Variants in THOP1 observed in about 807,000 individuals in gnomAD.
THOP1 encodes the protein thimet oligopeptidase.
THOP1 carries 49 observed loss-of-function variants against 71.8 expected under a neutral mutation model. The observed-to-expected ratio is 0.68, with a 90% CI of 0.54 to 0.87. THOP1 has a LOEUF of 0.87. Ranked by LOEUF, THOP1 falls within the 40% of genes least tolerant of loss-of-function variation. THOP1 has a pLI of 0.00. For missense variants in THOP1, 843 were observed against 975.6 expected (o/e 0.86, Z 1.81); for synonymous variants, 426 against 421.5 (o/e 1.01, Z -0.13).
At chr19:2,803,364 GAGGCTGAGGC>G (rs749134064) in intron 5 of THOP1, among the ~76,000 whole-genome samples, 32 of 152,344 alleles carry the variant, frequency 2.1e-4, no homozygotes, top group South Asian at 1.0e-3. Flanking sequence ...AGCCACTCGG[GAGGCTGAGGC>G]AGGGGGATTG....
intron 4 of THOP1, among the ~76,000 whole-genome samples, chr19:2,799,109 T>C (rs931706603): frequency 1.3e-5 from 2 of 152,218 alleles, no homozygotes; most frequent in Non-Finnish European, 2.9e-5. Flanking sequence ...GAGGATTGCT[T>C]GAGCCCAGGA....
At position 2,808,373 on chromosome 19, in the gene THOP1, C is replaced by T. The variant is rs764865726; in HGVS notation, c.1384C>T (p.Leu462=). 5.6e-6 allele frequency: 9 copies of T among 1,611,170 alleles called. No homozygotes were observed. The East Asian group carries it at 2.0e-4, about 36-fold the overall frequency. Residue 462 remains leucine (L), a synonymous_variant, in exon 9 of 13, where the codon CTG becomes TTG. Transcript: ENST00000307741. ...FTKPTADAPS[L]LQHDEVETYF... ...CAAGCCCACAGCCGACGCGCCCTCG[C>T]TGCTGCAGCATGACGAGGTGGAGAC...
Position 2,799,700 on chromosome 19 carries a change from C to T in THOP1, c.498C>T (p.Arg166=). The T allele has an allele frequency of 5.0e-6, 8 of 1,613,798 alleles. No individual in the cohort carries two copies. Among genetic ancestry groups the T allele is most frequent in the Non-Finnish European group, 6.8e-6 (8 of 1,179,888 alleles). The change falls in exon 5 of 13, where the codon CGC becomes CGT. Residue 166 remains arginine, a synonymous_variant. Coordinates refer to ENST00000307741, the MANE Select transcript of THOP1 (RefSeq NM_003249.5). The stretch of plus-strand genomic sequence containing the variant: ...GCCTTTCTCTCCAGAACATCAAACG[C>T]ATCAAGAAGAAGCTGAGCCTTCTGT... ...LPRETQENIK[R]IKKKLSLLCI...
At position 2,790,444 on chromosome 19, in the gene THOP1, G is replaced by A. The variant is rs746792908; in HGVS notation, c.40G>A (p.Ala14Thr). 35 of 1,571,534 alleles carry A rather than the reference G, an allele frequency of 2.2e-5. No homozygotes were observed. Among genetic ancestry groups the A allele is most frequent in the South Asian group, 3.5e-5 (3 of 85,352 alleles). ...PAACAGDMAD[A>T]ASPCSVVNDL... ...AGCCTGTGCAGGAGACATGGCGGAC[G>A]CAGCATCTCCGTGCTCTGTGGTAAA... Residue 14 changes from alanine (A) to threonine (T), a missense_variant, in exon 2 of 13, where the codon GCA becomes ACA. Transcript: ENST00000307741.
chr19:2,803,587 G>A (rs917019681), intron 5 of THOP1, among the ~76,000 whole-genome samples: 28 of 152,134 alleles, frequency 1.8e-4, no homozygotes, highest in Non-Finnish European at 3.2e-4. Context: ...GTCTCCGACC[G>A]CCAGCCGTCA....
chr19:2,808,660 C>T (rs986139702), intron 9 of THOP1, among the ~76,000 whole-genome samples: 8 of 152,268 alleles, frequency 5.3e-5, no homozygotes, highest in Non-Finnish European at 8.8e-5. Context: ...ACACAAGGTG[C>T]GTGTATTTCC....
chr19:2,811,907 G>A (rs1568327470), intron 12 of THOP1, 173 bp downstream of exon 12: 1 of 1,358,616 alleles, frequency 7.4e-7, no homozygotes. Flanking sequence ...CAACAGCAGG[G>A]TGGGGCCGAG....
chr19:2,807,866 C>T (rs1453435067), intron 8 of THOP1, 58 bp downstream of exon 8: 56 of 1,414,990 alleles, frequency 4.0e-5, no homozygotes, highest in Non-Finnish European at 4.7e-5. Context: ...CCTCGGAGCC[C>T]GGTGTGCCCG....
intron 3 of THOP1, among the ~76,000 whole-genome samples, chr19:2,795,478 G>C (rs1053441248): frequency 1.3e-5 from 2 of 152,242 alleles, no homozygotes; most frequent in African/African-American, 4.8e-5. Flanking sequence ...CTTAGGCGAG[G>C]ACCCCTGGGA....
intron 12 of THOP1, chr19:2,812,511 C>T: frequency 9.5e-7 from 1 of 1,048,548 alleles, no homozygotes; most frequent in South Asian, 2.0e-5. Context: ...AGGCAGCCTC[C>T]AGCAGCTCCC....
At chr19:2,807,861 G>A (rs1916347160) in intron 8 of THOP1, 53 bp downstream of exon 8, 2 of 1,421,610 alleles carry the variant, frequency 1.4e-6, no homozygotes, top group Non-Finnish European at 1.8e-6. Flanking sequence ...GGTCTCCTCG[G>A]AGCCCGGTGT....
rs1019867765 is a variant in THOP1, at chr19:2,808,008, C to CG, written c.1253+201dup. On this transcript the variant is annotated intron_variant, in intron 8 of 12. Transcript: ENST00000307741. Reference sequence around the variant, plus strand: ...CGTTTCCAGTCTCACTCAGCCACCCCGACAGGGCGCAGCTCTGCCCAGGCC... The same window carrying CG: ...CGTTTCCAGTCTCACTCAGCCACCCCGGACAGGGCGCAGCTCTGCCCAGGCC... 3.8e-6 allele frequency: 3 copies of CG among 782,408 alleles called. No individual in the cohort carries two copies. In the African/African-American group the frequency reaches 5.3e-5, roughly 14 times the overall value. The allele number at this position is 782,408 out of a possible 1,614,324, so 48.5% of individuals were successfully genotyped here.
rs897349008 is a variant in THOP1 at position 2,806,567 on chromosome 19, G to T, written c.751-350G>T. 7 of 324,536 alleles carry T rather than the reference G, an allele frequency of 2.2e-5. No individual in the cohort carries two copies. In the East Asian group the frequency reaches 5.9e-4, roughly 27 times the overall value. 20.1% of individuals were successfully genotyped at this position (324,536 alleles called of 1,614,324 possible). On this transcript the variant is annotated intron_variant, in intron 6 of 12. Coordinates refer to ENST00000307741, the MANE Select transcript of THOP1 (RefSeq NM_003249.5). ...GCTGTGTGCATGTCATTTGCTGGTG[G>T]CGATAGGCAGAGCCCGTGAGACTGG...
At chr19:2,813,082 C>A in intron 12 of THOP1, 33 bp from the exon 13 acceptor site, 1 of 1,582,092 alleles carries the variant, frequency 6.3e-7, no homozygotes, top group East Asian at 2.3e-5. Context: ...CCCTGGGTCC[C>A]CACCCGGCCA....
At chr19:2,796,021 C>A in intron 3 of THOP1, 60 bp from the exon 4 acceptor site, 1 of 1,392,022 alleles carries the variant, frequency 7.2e-7, no homozygotes, top group Non-Finnish European at 1.0e-6. Context: ...AACTGCCAAA[C>A]TGCTCTTTGG....
rs1219017968 is a variant in THOP1 at position 2,794,666 on chromosome 19, G to A, written c.230-98G>A. The A allele has an allele frequency of 9.7e-6, 14 of 1,436,546 alleles. No homozygotes were observed. In the South Asian group the frequency reaches 1.5e-4, roughly 15 times the overall value. 89.0% of individuals were successfully genotyped at this position (1,436,546 alleles called of 1,614,324 possible). A position where few individuals can be genotyped will look rare whatever the true frequency, so the allele number is the denominator to read the frequency against. On this transcript the variant is annotated intron_variant, in intron 2 of 12. Transcript: ENST00000307741. ...TGAGGCAGGAGAGAGTTCACGGGGGGATTCAGCAGACAGGCCTGGGAGAGG... is the reference window on the plus strand; with the variant it reads ...TGAGGCAGGAGAGAGTTCACGGGGGAATTCAGCAGACAGGCCTGGGAGAGG...
At chr19:2,803,046 G>T (rs915474608) in intron 5 of THOP1, among the ~76,000 whole-genome samples, 2 of 152,182 alleles carry the variant, frequency 1.3e-5, no homozygotes, top group African/African-American at 4.8e-5. Flanking sequence ...GCGCGGTACC[G>T]CAGGCTCGGC....
Position 2,785,676 on chromosome 19 carries a change from C to G in THOP1, c.14C>G (p.Ala5Gly), listed in dbSNP as rs771944618. 6.7e-7 allele frequency: 1 copy of G among 1,490,694 alleles called. No homozygotes were observed. Among genetic ancestry groups the G allele is most frequent in the South Asian group, 1.3e-5 (1 of 75,620 alleles). The allele number at this position is 1,490,694 out of a possible 1,614,324, so 92.3% of individuals were successfully genotyped here. ...GACCCACCCGCCATGAAGCCCCCCG[C>G]AGGTACCGACTACCCCGCTCGCCGG... MKPP[A>G]ACAGDMADAA... Residue 5 changes from alanine (A) to glycine (G), a missense_variant and splice_region_variant, in exon 1 of 13, where the codon GCA (alanine) becomes GGA (glycine). Coordinates refer to ENST00000307741, the MANE Select transcript of THOP1 (RefSeq NM_003249.5).
At chr19:2,806,014 TG>T (rs974330337) in intron 6 of THOP1, 2 of 96,198 alleles carry the variant, frequency 2.1e-5, no homozygotes, top group African/African-American at 8.2e-5. Context: ...TGGGTACCAA[TG>T]GGGGTACAGG....
Sources: allele counts gnomAD v4.1 joint callset (sites outside exome capture counted in the v4.1 genomes callset), GRCh38; gene constraint gnomAD v4.1.1; transcripts MANE v1.5; gene names NCBI Gene and HGNC (gene_info 2026-07-23, HGNC 2026-07-21).